Variants in CPNE8 observed in about 807,000 individuals in gnomAD.
The protein encoded by CPNE8 is copine 8, also known as copine-8.
Under a neutral mutation model 81.5 loss-of-function variants are expected in CPNE8, and 45 were observed. That is an observed-to-expected ratio of 0.55 (90% CI 0.44 to 0.71). CPNE8 has a LOEUF of 0.71. Ranked by LOEUF, CPNE8 falls within the 30% of genes least tolerant of loss-of-function variation. The pLI, the probability that CPNE8 is intolerant of heterozygous loss-of-function variation, is 0.00. For missense variants in CPNE8, 594 were observed against 672.1 expected (o/e 0.88, Z 1.28); for synonymous variants, 252 against 226.3 (o/e 1.11, Z -1.02).
chr12:38,717,081 T>G (rs8181763), intron 13 of CPNE8, among the ~76,000 whole-genome samples: 1 of 151,662 alleles, frequency 6.6e-6, no homozygotes, highest in Non-Finnish European at 1.5e-5. Context: ...ATTAAAACCA[T>G]GATGAGATAC....
At chr12:38,761,318 T>C (rs562649715) in intron 9 of CPNE8, among the ~76,000 whole-genome samples, 1 of 152,312 alleles carries the variant, frequency 6.6e-6, no homozygotes, top group African/African-American at 2.4e-5. Context: ...TGGGGCCACA[T>C]AATTTGAATT....
At chr12:38,675,930 G>A (rs1939278584) in intron 17 of CPNE8, among the ~76,000 whole-genome samples, 156 bp from the exon 18 acceptor site, 1 of 151,246 alleles carries the variant, frequency 6.6e-6, no homozygotes, top group Admixed American at 6.6e-5. Flanking sequence ...GAACAGCCTG[G>A]GCAACATAGT....
chr12:38,798,025 G>T (rs1942544424), intron 6 of CPNE8, among the ~76,000 whole-genome samples: 1 of 152,064 alleles, frequency 6.6e-6, no homozygotes, highest in African/African-American at 2.4e-5. Flanking sequence ...AATGAAGAAA[G>T]CCTCCAAGAA....
At chr12:38,771,298 C>CAA (rs56772312) in intron 7 of CPNE8, among the ~76,000 whole-genome samples, 54 of 131,448 alleles carry the variant, frequency 4.1e-4, no homozygotes, top group Admixed American at 9.3e-4. Context: ...ACATCTCTAT[C>CAA]AAAAAAAAAA....
chr12:38,801,884 A>G (rs1259208731), intron 6 of CPNE8, among the ~76,000 whole-genome samples: 39 of 93,770 alleles, frequency 4.2e-4, no homozygotes, highest in Non-Finnish European at 6.6e-4. Context: ...CAGACTTTAA[A>G]CCAACAAAGA....
At chr12:38,682,593 G>C (rs183792576) in intron 16 of CPNE8, among the ~76,000 whole-genome samples, 3 of 152,270 alleles carry the variant, frequency 2.0e-5, no homozygotes, top group Admixed American at 6.5e-5. Context: ...TTAAACAAAT[G>C]GGTACAGATA....
intron 19 of CPNE8, 145 bp from the exon 20 acceptor site, chr12:38,654,215 T>C: frequency 8.5e-7 from 1 of 1,179,774 alleles, no homozygotes; most frequent in Non-Finnish European, 1.1e-6. Flanking sequence ...TTATTATACA[T>C]TTTTAAAAAT....
intron 9 of CPNE8, 69 bp from the exon 10 acceptor site, chr12:38,760,957 A>T (rs1258323452): frequency 2.5e-6 from 3 of 1,187,868 alleles, no homozygotes; most frequent in African/African-American, 1.6e-5. Context: ...TTGAGAATTT[A>T]AAAATAAGTT....
intron 6 of CPNE8, among the ~76,000 whole-genome samples, chr12:38,813,513 T>C (rs565639225): frequency 6.6e-5 from 10 of 152,326 alleles, no homozygotes; most frequent in Admixed American, 3.9e-4. Context: ...TTGGGGCTTA[T>C]TCAATTTGAG....
chr12:38,844,924 C>T (rs1452763368), intron 4 of CPNE8, among the ~76,000 whole-genome samples: 2 of 152,128 alleles, frequency 1.3e-5, no homozygotes, highest in African/African-American at 4.8e-5. Flanking sequence ...TACACTAGTG[C>T]ATCTTTCAGC....
intron 14 of CPNE8, among the ~76,000 whole-genome samples, chr12:38,700,471 C>T (rs1046544400): frequency 6.1e-4 from 92 of 151,856 alleles, no homozygotes; most frequent in African/African-American, 1.6e-3. Flanking sequence ...GCAATCCATC[C>T]GCCTCGGCCT....
At chr12:38,906,465 C>T (rs919886077), upstream of CPNE8, 1 of 985,558 alleles carries the variant, frequency 1.0e-6, no homozygotes, top group East Asian at 1.1e-4. Flanking sequence ...AAGGGCTCTT[C>T]TGGGTCCCTC....
chr12:38,904,963 G>A (rs996811711), intron 1 of CPNE8, among the ~76,000 whole-genome samples: 2 of 152,184 alleles, frequency 1.3e-5, no homozygotes, highest in African/African-American at 4.8e-5. Flanking sequence ...GCTCCAGGAA[G>A]TGGGTGGGGA....
At chr12:38,798,719 G>A (rs1249921952) in intron 6 of CPNE8, among the ~76,000 whole-genome samples, 3 of 151,958 alleles carry the variant, frequency 2.0e-5, no homozygotes, top group Non-Finnish European at 2.9e-5. Flanking sequence ...AAATGAAAAT[G>A]GACTAAATGC....
chr12:38,797,412 C>T (rs951672788), intron 6 of CPNE8, among the ~76,000 whole-genome samples: 1 of 152,168 alleles, frequency 6.6e-6, no homozygotes, highest in African/African-American at 2.4e-5. Flanking sequence ...CTTCTGCAGA[C>T]ACGGCTGCGG....
chr12:38,796,727 C>A (rs1230946535), intron 6 of CPNE8, among the ~76,000 whole-genome samples: 1 of 152,006 alleles, frequency 6.6e-6, no homozygotes, highest in Non-Finnish European at 1.5e-5. Flanking sequence ...CATGTCCAAG[C>A]CAAAGCAGGG....
chr12:38,861,340 T>A (rs1943831141), intron 3 of CPNE8, among the ~76,000 whole-genome samples: 1 of 152,116 alleles, frequency 6.6e-6, no homozygotes, highest in Non-Finnish European at 1.5e-5. Context: ...ACACTTAAAA[T>A]TTTTTAAAGG....
In CPNE8 at chr12:38,806,067, T is replaced by C. The variant is rs1163191142; in HGVS notation, c.407+23312A>G. 4.0e-5 allele frequency among the ~76,000 whole-genome samples: 6 copies of C among 150,268 alleles called. 1 individual carries two copies. Among genetic ancestry groups the C allele is most frequent in the East Asian group, 4.4e-4 (2 of 4,574 alleles). The stretch of plus-strand genomic sequence containing the variant: ...GACTAAAGCAGGAAGAAGTTGAATC[T>C]CTGAATAGACCAATAACAGGCTCTG... On this transcript the variant is annotated intron_variant, in intron 6 of 19. Coordinates refer to ENST00000331366, the MANE Select transcript of CPNE8 (RefSeq NM_153634.3).
chr12:38,778,468 A>G lies in CPNE8; in HGVS notation c.408-2167T>C, dbSNP rs1387639941. On this transcript the variant is annotated intron_variant, in intron 6 of 19. Coordinates refer to ENST00000331366, the MANE Select transcript of CPNE8 (RefSeq NM_153634.3). Reference sequence around the variant, plus strand: ...TCCCTCTCCTTTCATCAACTCGGTGACATTTTGTGCTTATTTCTTCTTTGT... The same window carrying G: ...TCCCTCTCCTTTCATCAACTCGGTGGCATTTTGTGCTTATTTCTTCTTTGT... Among the ~76,000 whole-genome samples the G allele has an allele frequency of 2.0e-5, 3 of 152,124 alleles. No homozygotes were observed. In the East Asian group the frequency reaches 5.8e-4, roughly 29 times the overall value.
Sources: allele counts gnomAD v4.1 joint callset (sites outside exome capture counted in the v4.1 genomes callset), GRCh38; gene constraint gnomAD v4.1.1; transcripts MANE v1.5; gene names NCBI Gene and HGNC (gene_info 2026-07-23, HGNC 2026-07-21).